The following TBC1D14 variants were observed in gnomAD, a reference collection of about 807,000 sequenced individuals.
TBC1D14 encodes the protein TBC1 domain family, member 14.
Under a neutral mutation model 79.0 loss-of-function variants are expected in TBC1D14, and 26 were observed. The ratio of observed to expected loss-of-function variants is 0.33; its 90% CI spans 0.24 to 0.46. The LOEUF (loss-of-function observed/expected upper bound fraction) is 0.46. TBC1D14 is among the 20% of genes least tolerant of loss of function. The pLI, the probability that TBC1D14 is intolerant of heterozygous loss-of-function variation, is 1.00. For synonymous variants in TBC1D14, 394 were observed against 349.9 expected, an observed-to-expected ratio of 1.13 and a Z score of -1.40; for missense variants, 769 against 887.6, an observed-to-expected ratio of 0.87 and a Z score of 1.70.
chr4:6,936,433 T>G (rs1669284180), intron 2 of TBC1D14, among the ~76,000 whole-genome samples: 2 of 152,262 alleles, frequency 1.3e-5, no homozygotes, highest in African/African-American at 4.8e-5. Context: ...TACTTAGTAA[T>G]GTAAATCCGA....
At chr4:6,931,664 C>A (rs1358377481) in intron 2 of TBC1D14, among the ~76,000 whole-genome samples, 1 of 152,152 alleles carries the variant, frequency 6.6e-6, no homozygotes. Flanking sequence ...CTTTCCTGGG[C>A]TTTGTTTTCT....
chr4:6,942,860 A>G (rs1713041179), intron 2 of TBC1D14, among the ~76,000 whole-genome samples: 1 of 152,222 alleles, frequency 6.6e-6, no homozygotes, highest in African/African-American at 2.4e-5. Context: ...TGCCTGGGAT[A>G]GATTTTATCC....
intron 2 of TBC1D14, among the ~76,000 whole-genome samples, chr4:6,928,485 C>T (rs1056518263): frequency 1.2e-4 from 19 of 152,110 alleles, no homozygotes; most frequent in Admixed American, 9.2e-4. Context: ...TTAGCCCCTG[C>T]GATCGCCAGT....
At chr4:6,952,265 A>G (rs1714108941) in intron 2 of TBC1D14, among the ~76,000 whole-genome samples, 1 of 152,252 alleles carries the variant, frequency 6.6e-6, no homozygotes, top group South Asian at 2.1e-4. Flanking sequence ...TTATGGTTCC[A>G]TAGGTCTGGG....
At chr4:6,929,570 G>C (rs1407676320) in intron 2 of TBC1D14, among the ~76,000 whole-genome samples, 2 of 152,308 alleles carry the variant, frequency 1.3e-5, no homozygotes, top group East Asian at 3.9e-4. Context: ...AGAGAGCCCA[G>C]CCTTCCTGGG....
chr4:7,010,552 T>C (rs1159122788), intron 10 of TBC1D14, 101 bp from the exon 11 acceptor site: 7 of 1,450,840 alleles, frequency 4.8e-6, no homozygotes, highest in Non-Finnish European at 6.5e-6. Context: ...CTAGGGACAC[T>C]TCTAGTGTGA....
At chr4:7,005,928 A>C (rs1720152454) in intron 8 of TBC1D14, among the ~76,000 whole-genome samples, 2 of 152,222 alleles carry the variant, frequency 1.3e-5, no homozygotes, top group Non-Finnish European at 2.9e-5. Flanking sequence ...CATAACACAC[A>C]AGGATGATTA....
rs1053033990 is a variant in TBC1D14, at chr4:6,928,560, C to T, written c.722+4449C>T. Among the ~76,000 whole-genome samples, 3 of 152,094 alleles carry T rather than the reference C, an allele frequency of 2.0e-5. No homozygotes were observed. The East Asian group carries it at 5.8e-4, about 29-fold the overall frequency. On this transcript the variant is annotated intron_variant, in intron 2 of 13. Coordinates refer to ENST00000409757, the MANE Select transcript of TBC1D14 (RefSeq NM_020773.3). ...ACAGTTAATATGAGGGGGCCGGGTG[C>T]GGTGGCTCATGCCTGTAATCCCAGC... is the stretch of plus-strand genomic sequence containing the variant.
chr4:6,951,148 C>T (rs1337192915), intron 2 of TBC1D14, among the ~76,000 whole-genome samples: 4 of 152,020 alleles, frequency 2.6e-5, no homozygotes, highest in Admixed American at 6.6e-5. Flanking sequence ...AAAAATTAGC[C>T]GCGTGTAGTG....
At chr4:6,998,996 G>A (rs1014794411) in intron 5 of TBC1D14, 89 bp from the exon 6 acceptor site, 4 of 1,295,716 alleles carry the variant, frequency 3.1e-6, no homozygotes, top group Non-Finnish European at 4.4e-6. Flanking sequence ...TTTTCCTGGT[G>A]TGTTCGCAGT....
At chr4:7,003,235 T>C (rs1382276100) in intron 7 of TBC1D14, among the ~76,000 whole-genome samples, 2 of 152,246 alleles carry the variant, frequency 1.3e-5, no homozygotes, top group Admixed American at 6.5e-5. Context: ...CTTACAACTC[T>C]TTGACACTTT....
chr4:7,006,481 T>C, intron 8 of TBC1D14, 151 bp from the exon 9 acceptor site: 1 of 577,684 alleles, frequency 1.7e-6, no homozygotes, highest in Admixed American at 3.3e-5. Context: ...TTAAATACTC[T>C]GAAGCTGCAC....
chr4:6,927,837 C>T (rs1724411959), intron 2 of TBC1D14, among the ~76,000 whole-genome samples: 1 of 152,196 alleles, frequency 6.6e-6, no homozygotes, highest in African/African-American at 2.4e-5. Context: ...GGATTTGCTT[C>T]TTTGAAGGAA....
chr4:6,938,679 A>G (rs377241425), intron 2 of TBC1D14, among the ~76,000 whole-genome samples: 9 of 152,310 alleles, frequency 5.9e-5, no homozygotes, highest in African/African-American at 2.2e-4. Context: ...AGCCACTGCC[A>G]GGAAGCCCTC....
At chr4:6,919,740 C>T (rs1427780476) in intron 1 of TBC1D14, among the ~76,000 whole-genome samples, 2 of 152,130 alleles carry the variant, frequency 1.3e-5, no homozygotes, top group East Asian at 3.9e-4. Flanking sequence ...CCTGCCTCAG[C>T]CTCCTGAGTA....
At chr4:6,993,997 G>A (rs1329387648) in intron 3 of TBC1D14, among the ~76,000 whole-genome samples, 187 bp from the exon 4 acceptor site, 2 of 152,146 alleles carry the variant, frequency 1.3e-5, no homozygotes, top group Admixed American at 6.5e-5. Context: ...GCGACAGAGC[G>A]AGACTCCATC....
rs559260863 is a variant in TBC1D14, at chr4:7,017,265, A to G, written c.1757+2708A>G. Among the ~76,000 whole-genome samples the G allele has an allele frequency of 9.2e-5, 14 of 152,326 alleles. No homozygotes were observed. In the South Asian group the frequency reaches 2.9e-3, roughly 32 times the overall value. ...CAGTGAGCCGAGATCACACCACTGC[A>G]CTCTAGCCTGGGTGACAGAGTGGGC... On this transcript the variant is annotated intron_variant, in intron 12 of 13. Coordinates refer to ENST00000409757, the MANE Select transcript of TBC1D14 (RefSeq NM_020773.3).
chr4:7,032,857 G>C lies in TBC1D14; in HGVS notation c.*2465G>C, dbSNP rs1352913475. The C allele has an allele frequency of 1.3e-5, 2 of 152,334 alleles. No individual in the cohort carries two copies. The highest frequency in any genetic ancestry group is 2.9e-5 in the Non-Finnish European group (2 of 68,052). 9.4% of individuals were successfully genotyped at this position (152,334 alleles called of 1,614,324 possible). On this transcript the variant is annotated 3_prime_UTR_variant, in exon 14 of 14. Coordinates refer to ENST00000409757, the MANE Select transcript of TBC1D14 (RefSeq NM_020773.3). ...GGACCTTTGTCCAGCCTGCACAGTAGAGTGAGGCTGCCTCTCCCGCCAGGC... is the reference window on the plus strand; with the variant it reads ...GGACCTTTGTCCAGCCTGCACAGTACAGTGAGGCTGCCTCTCCCGCCAGGC...
chr4:6,917,033 A>G (rs944196152), intron 1 of TBC1D14, among the ~76,000 whole-genome samples: 2 of 152,240 alleles, frequency 1.3e-5, no homozygotes, highest in African/African-American at 4.8e-5. Context: ...CATCTGGTCT[A>G]GCCCCTAACC....
Sources: allele counts gnomAD v4.1 joint callset (sites outside exome capture counted in the v4.1 genomes callset), GRCh38; gene constraint gnomAD v4.1.1; transcripts MANE v1.5; gene names NCBI Gene and HGNC (gene_info 2026-07-23, HGNC 2026-07-21).